LRRC37A2: variants seen among roughly 807,000 people sequenced by gnomAD.
The protein encoded by LRRC37A2 is leucine-rich repeat-containing protein 37A2.
LRRC37A2 carries 9 observed loss-of-function variants against 68.8 expected under a neutral mutation model. The observed-to-expected ratio is 0.13, with a 90% CI of 0.08 to 0.23. The LOEUF is 0.23. Among genes scored for constraint, LRRC37A2 ranks in the 10% least tolerant of loss-of-function variants. The probability of loss-of-function intolerance (pLI) is 1.00; values close to 1 mark genes in which losing one functional copy is unlikely to be tolerated. For synonymous variants in LRRC37A2, 63 were observed against 367.6 expected, an observed-to-expected ratio of 0.17 and a Z score of 9.48; for missense variants, 168 against 950.4, an observed-to-expected ratio of 0.18 and a Z score of 10.82.
chr17:46,923,591 G>A, the LRRC37A2 span: 2 of 1,288,288 alleles, frequency 1.6e-6, no homozygotes, highest in Non-Finnish European at 9.8e-7. Flanking sequence ...AGGAGACACG[G>A]CCCCTGGCCG....
the LRRC37A2 span, chr17:46,830,867 G>C: frequency 2.5e-6 from 1 of 397,890 alleles, no homozygotes; most frequent in East Asian, 3.6e-5. Context: ...AAAAAGTCTG[G>C]TTGGTCCTAA....
the LRRC37A2 span, among the ~76,000 whole-genome samples, chr17:46,786,863 G>A: frequency 5.3e-5 from 8 of 152,104 alleles, no homozygotes; most frequent in Non-Finnish European, 1.2e-4. Context: ...AGAAACCCTG[G>A]TGGGCCCAGG....
chr17:46,970,295 C>G, the LRRC37A2 span, among the ~76,000 whole-genome samples: 1 of 152,148 alleles, frequency 6.6e-6, no homozygotes, highest in Non-Finnish European at 1.5e-5. Context: ...AATCCCAGCA[C>G]TTTGGGAGGC....
the LRRC37A2 span, chr17:46,751,542 G>C: frequency 1.2e-6 from 2 of 1,613,988 alleles, no homozygotes; most frequent in Non-Finnish European, 1.7e-6. Context: ...CACCACAATT[G>C]CACAGCAAGT....
At chr17:46,688,356 A>G in the LRRC37A2 span, among the ~76,000 whole-genome samples, 1 of 146,798 alleles carries the variant, frequency 6.8e-6, no homozygotes, top group African/African-American at 2.6e-5. Context: ...AAAAATAAAA[A>G]TAAAAATAAA....
At chr17:46,830,829 C>G in the LRRC37A2 span, 1 of 398,338 alleles carries the variant, frequency 2.5e-6, no homozygotes, top group Non-Finnish European at 4.4e-6. Flanking sequence ...GTTCCATTCT[C>G]CTTCACTCCT....
chr17:46,737,338 A>C, the LRRC37A2 span, among the ~76,000 whole-genome samples: 4 of 152,198 alleles, frequency 2.6e-5, no homozygotes, highest in African/African-American at 9.6e-5. Flanking sequence ...AATATAGGAT[A>C]CTTAGTTAAA....
chr17:46,834,807 ATATACTCT>A, the LRRC37A2 span, among the ~76,000 whole-genome samples: 1 of 152,066 alleles, frequency 6.6e-6, no homozygotes, highest in African/African-American at 2.4e-5. Flanking sequence ...CCCCACGCTA[ATATACTCT>A]TAGAGTCTGT....
chr17:46,713,460 GC>G, the LRRC37A2 span: 1 of 159,904 alleles, frequency 6.3e-6, no homozygotes, highest in East Asian at 1.9e-4. Context: ...GTTTTCCCCT[GC>G]CCCCAATATC....
At chr17:46,771,463 G>A in the LRRC37A2 span, among the ~76,000 whole-genome samples, 1 of 149,870 alleles carries the variant, frequency 6.7e-6, no homozygotes, top group Non-Finnish European at 1.5e-5. Flanking sequence ...CCGGGCCCCG[G>A]GCCGCGCTGG....
At chr17:47,023,049 C>T in the LRRC37A2 span, among the ~76,000 whole-genome samples, 1 of 152,228 alleles carries the variant, frequency 6.6e-6, no homozygotes, top group Non-Finnish European at 1.5e-5. Flanking sequence ...TTTCCCGACA[C>T]CTTTTCACTG....
the LRRC37A2 span, chr17:46,942,008 T>C: frequency 1.0e-6 from 1 of 953,186 alleles, no homozygotes; most frequent in African/African-American, 1.8e-5. Context: ...AAATTCTTAC[T>C]GTTTATATCC....
the LRRC37A2 span, among the ~76,000 whole-genome samples, chr17:46,805,533 A>G: frequency 4.6e-5 from 7 of 152,190 alleles, no homozygotes; most frequent in Non-Finnish European, 8.8e-5. Flanking sequence ...AGATCTTGCA[A>G]TTGCACTGCA....
the LRRC37A2 span, among the ~76,000 whole-genome samples, chr17:46,837,130 A>C: frequency 6.6e-6 from 1 of 152,100 alleles, no homozygotes; most frequent in Non-Finnish European, 1.5e-5. Context: ...TTTAGTAGAG[A>C]TGGGGTTTCA....
the LRRC37A2 span, among the ~76,000 whole-genome samples, chr17:46,815,859 C>G: frequency 2.0e-5 from 3 of 152,176 alleles, no homozygotes; most frequent in African/African-American, 7.2e-5. Flanking sequence ...GCCCACCAAA[C>G]ACCCAAGCTC....
the LRRC37A2 span, among the ~76,000 whole-genome samples, chr17:47,002,066 A>G: frequency 1.3e-5 from 2 of 151,842 alleles, no homozygotes; most frequent in Non-Finnish European, 2.9e-5. Flanking sequence ...ATCATAGGTT[A>G]GTTTATATTT....
At chr17:46,973,817 G>A in the LRRC37A2 span, among the ~76,000 whole-genome samples, 108,135 of 150,914 alleles carry the variant, frequency 0.72, 39,174 homozygotes, top group Non-Finnish European at 0.79. Context: ...GCATGCGTGC[G>A]ACACATGTGT....
At chr17:46,738,933 C>T in the LRRC37A2 span, among the ~76,000 whole-genome samples, 1 of 151,230 alleles carries the variant, frequency 6.6e-6, no homozygotes, top group Non-Finnish European at 1.5e-5. Context: ...AAAACCCCAT[C>T]TCTACTAAAA....
chr17:46,825,498 T>C, the LRRC37A2 span, among the ~76,000 whole-genome samples: 8 of 152,082 alleles, frequency 5.3e-5, no homozygotes, highest in African/African-American at 1.9e-4. Flanking sequence ...CCTCAAGGAG[T>C]CTGCCTTCTT....
Sources: gnomAD v4.1 joint callset for allele counts (sites outside exome capture counted in the v4.1 genomes callset) on GRCh38, gnomAD v4.1.1 for gene constraint, MANE v1.5 for transcripts, NCBI Gene and HGNC (gene_info 2026-07-23, HGNC 2026-07-21) for gene names.